Variants in EML5 observed in about 807,000 individuals in gnomAD.
EML5 encodes echinoderm microtubule-associated protein-like 5.
EML5 carries 120 observed loss-of-function variants against 250.0 expected under a neutral mutation model. That is an observed-to-expected ratio of 0.48 (90% CI 0.41 to 0.56). EML5 has a LOEUF of 0.56. EML5 is among the 20% of genes least tolerant of loss of function. EML5 has a pLI of 0.00. For synonymous variants in EML5, 771 were observed against 806.5 expected, an observed-to-expected ratio of 0.96 and a Z score of 0.75; for missense variants, 2,006 against 2,437.6, an observed-to-expected ratio of 0.82 and a Z score of 3.73.
Position 88,620,601 on chromosome 14 carries a change from T to C in EML5, c.5375+153A>G. 1.7e-6 allele frequency: 1 copy of C among 596,166 alleles called. No homozygotes were observed. The highest frequency in any genetic ancestry group is 2.7e-6 in the Non-Finnish European group (1 of 373,890). The allele number at this position is 596,166 out of a possible 1,614,324, so 36.9% of individuals were successfully genotyped here. A position where few individuals can be genotyped will look rare whatever the true frequency, so the allele number is the denominator to read the frequency against. On this transcript the variant is annotated intron_variant, in intron 39 of 43. Coordinates refer to ENST00000554922, the MANE Select transcript of EML5 (RefSeq NM_183387.3). The surrounding 1 kb of genome is among the most constrained non-coding windows in gnomAD (Gnocchi z 4.3). Reference sequence around the variant, plus strand: ...TAATTTAGCAAGAAGAATTAAGTAGTATACAAACAGCCATATTTTAGCATA... The same window carrying C: ...TAATTTAGCAAGAAGAATTAAGTAGCATACAAACAGCCATATTTTAGCATA...
rs1388393931 is a variant in EML5 at position 88,620,527 on chromosome 14, A to G, written c.5375+227T>C. 7.9e-6 allele frequency: 3 copies of G among 379,184 alleles called. No homozygotes were observed. The highest frequency in any genetic ancestry group is 1.4e-5 in the Non-Finnish European group (3 of 215,498). 23.5% of individuals were successfully genotyped at this position (379,184 alleles called of 1,614,324 possible). ...GCTAAGTGTTAACATGAATTCATCAAACATTACCTACTAGTACTTGCTATT... is the reference window on the plus strand; with the variant it reads ...GCTAAGTGTTAACATGAATTCATCAGACATTACCTACTAGTACTTGCTATT... On this transcript the variant is annotated intron_variant, in intron 39 of 43. Transcript: ENST00000554922. This position sits in a 1 kb window ranked among gnomAD's most constrained non-coding sequence, Gnocchi z 4.3.
chr14:88,682,623 C>A (rs1442879919), intron 20 of EML5, among the ~76,000 whole-genome samples: 1 of 152,146 alleles, frequency 6.6e-6, no homozygotes, highest in Non-Finnish European at 1.5e-5. Flanking sequence ...TCTCTCCCCC[C>A]AGCTCGCGGT....
At chr14:88,788,330 G>A (rs554919970) in intron 1 of EML5, among the ~76,000 whole-genome samples, 1 of 152,168 alleles carries the variant, frequency 6.6e-6, no homozygotes, top group South Asian at 2.1e-4. Context: ...GACTTGGTCA[G>A]TATTTTTTCT....
chr14:88,694,257 A>C (rs1662062883), intron 17 of EML5, 50 bp downstream of exon 17: 1 of 1,331,598 alleles, frequency 7.5e-7, no homozygotes. Context: ...TACTTTCAAA[A>C]GCAATAATTT....
chr14:88,685,739 C>G (rs79505220), intron 19 of EML5, among the ~76,000 whole-genome samples: 1 of 152,130 alleles, frequency 6.6e-6, no homozygotes, highest in Non-Finnish European at 1.5e-5. Flanking sequence ...TGTGGGCCAC[C>G]ACAGCCGGCC....
At chr14:88,707,364 G>A (rs969958043) in intron 10 of EML5, among the ~76,000 whole-genome samples, 3 of 151,938 alleles carry the variant, frequency 2.0e-5, no homozygotes, top group Non-Finnish European at 4.4e-5. Flanking sequence ...CTGGGCTCAA[G>A]CAATCCTCCT....
chr14:88,736,921 C>T (rs553378833), intron 6 of EML5, among the ~76,000 whole-genome samples: 1 of 152,162 alleles, frequency 6.6e-6, no homozygotes, highest in East Asian at 1.9e-4. Flanking sequence ...CATTCTGAGC[C>T]CATAAAGGCT....
intron 20 of EML5, among the ~76,000 whole-genome samples, chr14:88,683,915 T>C (rs902288523): frequency 6.6e-6 from 1 of 152,164 alleles, no homozygotes; most frequent in Admixed American, 6.5e-5. Context: ...GGATGTTCTG[T>C]TCTCACCACT....
intron 8 of EML5, among the ~76,000 whole-genome samples, chr14:88,717,713 C>A (rs922556138): frequency 6.6e-5 from 10 of 152,166 alleles, no homozygotes; most frequent in Admixed American, 2.0e-4. Context: ...TGAGATCCTG[C>A]CACTGCACTC....
At chr14:88,689,381 G>A (rs980711774) in intron 17 of EML5, among the ~76,000 whole-genome samples, 3 of 152,154 alleles carry the variant, frequency 2.0e-5, no homozygotes, top group African/African-American at 7.2e-5. Flanking sequence ...TCACCTTTGG[G>A]AACAGTTTGT....
intron 7 of EML5, among the ~76,000 whole-genome samples, chr14:88,730,923 G>A (rs886459676): frequency 1.3e-5 from 2 of 152,046 alleles, no homozygotes; most frequent in Non-Finnish European, 2.9e-5. Context: ...TCTTTAGCAC[G>A]TACTTAGTGA....
At chr14:88,788,673 T>C (rs1216449999) in intron 1 of EML5, among the ~76,000 whole-genome samples, 1 of 152,180 alleles carries the variant, frequency 6.6e-6, no homozygotes, top group Non-Finnish European at 1.5e-5. Context: ...TTCACTGGTA[T>C]AGATTATTTG....
intron 9 of EML5, among the ~76,000 whole-genome samples, chr14:88,712,975 A>G (rs2093430084): frequency 6.6e-6 from 1 of 152,234 alleles, no homozygotes; most frequent in South Asian, 2.1e-4. Context: ...GTCAGTCTTC[A>G]TTACATATAG....
At chr14:88,688,558 G>T in intron 17 of EML5, 85 bp from the exon 18 acceptor site, 1 of 1,390,792 alleles carries the variant, frequency 7.2e-7, no homozygotes, top group Admixed American at 1.8e-5. Flanking sequence ...TACTGTTGTT[G>T]TTGTTGTTTG....
intron 1 of EML5, among the ~76,000 whole-genome samples, chr14:88,779,775 T>A: frequency 6.6e-6 from 1 of 152,214 alleles, no homozygotes; most frequent in Non-Finnish European, 1.5e-5. Flanking sequence ...TTGCTATCTA[T>A]ACTGGCTTTG....
intron 27 of EML5, among the ~76,000 whole-genome samples, chr14:88,655,858 A>T (rs1011400539): frequency 5.3e-5 from 8 of 152,242 alleles, no homozygotes; most frequent in Non-Finnish European, 1.2e-4. Flanking sequence ...GCCAAAAAAC[A>T]TGAAAAAAAG....
intron 17 of EML5, among the ~76,000 whole-genome samples, chr14:88,691,345 A>G (rs1274757186): frequency 6.6e-6 from 1 of 152,192 alleles, no homozygotes; most frequent in African/African-American, 2.4e-5. Flanking sequence ...CTTGTTCTAT[A>G]ATTACCTACA....
rs532413083 is a variant in EML5, at chr14:88,672,514, C to T, written c.3125-7025G>A. Among the ~76,000 whole-genome samples the T allele has an allele frequency of 4.0e-5, 6 of 151,804 alleles. No individual in the cohort carries two copies. The South Asian group carries it at 6.2e-4, about 16-fold the overall frequency. Reference sequence around the variant, plus strand: ...TAGAGAACCAAGAGCAAACAAACCCCGAAGCTAGCAGAAGACAAGAAATAA... The same window carrying T: ...TAGAGAACCAAGAGCAAACAAACCCTGAAGCTAGCAGAAGACAAGAAATAA... On this transcript the variant is annotated intron_variant, in intron 21 of 43. Transcript: ENST00000554922.
rs572198667 is a variant in EML5 at position 88,695,844 on chromosome 14, T to C, written c.2345-390A>G. On this transcript the variant is annotated intron_variant, in intron 15 of 43. Coordinates refer to ENST00000554922, the MANE Select transcript of EML5 (RefSeq NM_183387.3). ...ACTGTAATATAAGAACTTTGAGTAA[T>C]TATGAAAAGTTAATCAAATGAAAAA... Among the ~76,000 whole-genome samples the C allele has an allele frequency of 2.6e-4, 40 of 152,222 alleles. No individual in the cohort carries two copies. In the East Asian group the frequency reaches 7.1e-3, roughly 27 times the overall value.
Sources: allele counts gnomAD v4.1 joint callset (sites outside exome capture counted in the v4.1 genomes callset), GRCh38; gene constraint gnomAD v4.1.1; non-coding constraint Gnocchi (gnomAD v3.1); transcripts MANE v1.5; gene names NCBI Gene and HGNC (gene_info 2026-07-23, HGNC 2026-07-21).